PCDH19: variants seen among roughly 807,000 people sequenced by gnomAD.
PCDH19 encodes protocadherin-19.
In PCDH19, 6 loss-of-function variants were observed where a neutral mutation model predicts 46.2. That is an observed-to-expected ratio of 0.13 (90% CI 0.07 to 0.26). The LOEUF (loss-of-function observed/expected upper bound fraction) is 0.26. PCDH19 is among the 10% of genes least tolerant of loss of function. The pLI, the probability that PCDH19 is intolerant of heterozygous loss-of-function variation, is 1.00. For missense variants in PCDH19, 740 were observed against 972.3 expected, an observed-to-expected ratio of 0.76 and a Z score of 3.18; for synonymous variants, 481 against 415.7, an observed-to-expected ratio of 1.16 and a Z score of -1.91.
At chrX:100,333,112 GGGAAGGAA>G (rs778212504) in intron 5 of PCDH19, among the ~76,000 whole-genome samples, 808 of 34,781 alleles carry the variant, frequency 0.023, 42 homozygotes, top group East Asian at 0.14. Context: ...GAAGGAGGGA[GGGAAGGAA>G]GGAAGGAAGG....
intron 3 of PCDH19, among the ~76,000 whole-genome samples, chrX:100,394,866 T>A (rs771384755): frequency 9.3e-6 from 1 of 106,968 alleles, no homozygotes; most frequent in Non-Finnish European, 1.9e-5. Flanking sequence ...GTAAATCTTG[T>A]CAATTTGAGG....
intron 5 of PCDH19, among the ~76,000 whole-genome samples, chrX:100,303,322 A>AAAGGAAGGAAGG (rs764462656): frequency 1.4e-4 from 15 of 110,503 alleles, no homozygotes; most frequent in Non-Finnish European, 2.1e-4. Context: ...AGGAAGGAAA[A>AAAGGAAGGAAGG]AAGGAAGGAA....
At chrX:100,363,856 C>CGTGTGT (rs1555980282) in intron 3 of PCDH19, among the ~76,000 whole-genome samples, 1 of 88,992 alleles carries the variant, frequency 1.1e-5, no homozygotes, top group African/African-American at 4.4e-5. Flanking sequence ...AATGTGCGTG[C>CGTGTGT]GTGTGTGTGT....
In PCDH19 at chrX:100,407,085, A is replaced by G; in HGVS notation, c.1513T>C (p.Tyr505His). ...SQVRDMPVFT[Y>H]VSINPNSGDI... ...CCTGAGTTGGGATTGATGGAGACAT[A>G]GGTGAAGACAGGCATGTCCCGCACC... The change falls in exon 1 of 6, where the codon TAT becomes CAT. Residue 505 changes from tyrosine (Y) to histidine (H), a missense_variant. Physicochemically the swap from Tyr to His is moderately conservative, Grantham distance 83. Around this residue, in one of 5 missense-constraint regions of PCDH19, gnomAD observed 186 missense variants for 319.9 expected, o/e 0.58. Coordinates refer to ENST00000373034, the MANE Select transcript of PCDH19 (RefSeq NM_001184880.2). 1 of 1,211,746 alleles carries G rather than the reference A, an allele frequency of 8.3e-7. No homozygotes were observed. The highest frequency in any genetic ancestry group is 1.1e-6 in the Non-Finnish European group (1 of 895,396).
rs1365066738 is a variant in PCDH19, at chrX:100,333,179, G to GAAAGAA, written c.2848+8723_2848+8724insTTCTTT. On this transcript the variant is annotated intron_variant, in intron 5 of 5. Coordinates refer to ENST00000373034, the MANE Select transcript of PCDH19 (RefSeq NM_001184880.2). The stretch of plus-strand genomic sequence containing the variant: ...GAAGGAAGGAAGGAAGGAAGGGAGA[G>GAAAGAA]AGAGAGAAAGAAAGAAAGAAAGAAA... Among the ~76,000 whole-genome samples, 22 of 46,947 alleles carry GAAAGAA rather than the reference G, an allele frequency of 4.7e-4. No individual in the cohort carries two copies. The East Asian group carries it at 7.4e-3, about 16-fold the overall frequency. 40.8% of individuals were successfully genotyped at this position (46,947 alleles called of 115,157 possible). A position where few individuals can be genotyped will look rare whatever the true frequency, so the allele number is the denominator to read the frequency against.
chrX:100,320,474 A>G (rs1400807915), intron 5 of PCDH19, among the ~76,000 whole-genome samples: 1 of 111,820 alleles, frequency 8.9e-6, no homozygotes, highest in African/African-American at 3.3e-5. Context: ...AAACACCTCA[A>G]TAACTATTGG....
At chrX:100,322,754 C>T (rs1925532538) in intron 5 of PCDH19, among the ~76,000 whole-genome samples, 1 of 98,513 alleles carries the variant, frequency 1.0e-5, no homozygotes, top group South Asian at 4.8e-4. Flanking sequence ...CATTTGTTTG[C>T]GTCTATGATA....
chrX:100,402,178 C>T (rs1928204188), intron 3 of PCDH19, among the ~76,000 whole-genome samples: 1 of 111,940 alleles, frequency 8.9e-6, no homozygotes, highest in Non-Finnish European at 1.9e-5. Flanking sequence ...CTTGATGACT[C>T]TTTCTAAGCC....
intron 3 of PCDH19, among the ~76,000 whole-genome samples, chrX:100,393,497 T>TACACACACACAC (rs57070852): frequency 0.013 from 1,194 of 90,027 alleles, 20 homozygotes; most frequent in East Asian, 0.058. Context: ...CATACATACA[T>TACACACACACAC]ACACACACAC....
intron 3 of PCDH19, among the ~76,000 whole-genome samples, chrX:100,379,942 G>GT (rs1222844954): frequency 1.8e-5 from 2 of 111,929 alleles, no homozygotes; most frequent in Non-Finnish European, 3.8e-5. Context: ...CCATCGAGCA[G>GT]TAACTGGAGG....
At chrX:100,363,859 G>A (rs1440677510) in intron 3 of PCDH19, among the ~76,000 whole-genome samples, 9 of 85,556 alleles carry the variant, frequency 1.1e-4, no homozygotes, top group African/African-American at 4.6e-4. Flanking sequence ...GTGCGTGCGT[G>A]TGTGTGTGTG....
At chrX:100,371,030 T>TGG (rs1417559220) in intron 3 of PCDH19, among the ~76,000 whole-genome samples, 18 of 109,571 alleles carry the variant, frequency 1.6e-4, no homozygotes, top group Admixed American at 1.2e-3. Context: ...TGTGTGGGTG[T>TGG]GTGTGTATGC....
At chrX:100,355,777 G>A (rs1034879956) in intron 3 of PCDH19, among the ~76,000 whole-genome samples, 18 of 111,343 alleles carry the variant, frequency 1.6e-4, no homozygotes, top group African/African-American at 4.9e-4. Flanking sequence ...TAAGACGTTT[G>A]GGTGGGGGAT....
At chrX:100,394,764 G>C (rs1927969565) in intron 3 of PCDH19, among the ~76,000 whole-genome samples, 1 of 111,622 alleles carries the variant, frequency 9.0e-6, no homozygotes, top group African/African-American at 3.3e-5. Context: ...GTTTAATTAA[G>C]TAAAAATCAA....
intron 3 of PCDH19, among the ~76,000 whole-genome samples, chrX:100,363,261 G>A (rs1926950116): frequency 9.6e-6 from 1 of 104,235 alleles, no homozygotes; most frequent in Non-Finnish European, 1.9e-5. Context: ...CCAAGATCAC[G>A]CCACTGCACT....
chrX:100,400,748 T>A (rs566926342), intron 3 of PCDH19, among the ~76,000 whole-genome samples: 1 of 112,537 alleles, frequency 8.9e-6, no homozygotes, highest in Admixed American at 9.4e-5. Flanking sequence ...TTGGCCCCAT[T>A]AATTCTGATG....
chrX:100,361,451 C>A (rs1340828706), intron 3 of PCDH19, among the ~76,000 whole-genome samples: 1 of 111,864 alleles, frequency 8.9e-6, no homozygotes, highest in Admixed American at 9.5e-5. Context: ...TTTCTCAGAT[C>A]TCATGGCACA....
chrX:100,409,877 G>A lies in PCDH19; in HGVS notation c.-1280C>T. ...ATCTTCCCGGAGAGGCGCTGGCCGC[G>A]CTGCGTTGGGCTCCCTTCCTCCCGG... On this transcript the variant is annotated 5_prime_UTR_variant, in exon 1 of 6. Transcript: ENST00000373034. The A allele has an allele frequency of 3.2e-6, 1 of 312,309 alleles. No individual in the cohort carries two copies. The highest frequency in any genetic ancestry group is 5.1e-5 in the East Asian group (1 of 19,454). The allele number at this position is 312,309 out of a possible 1,213,427, so 25.7% of individuals were successfully genotyped here.
chrX:100,359,886 A>T (rs372045707), intron 3 of PCDH19, among the ~76,000 whole-genome samples: 9 of 109,422 alleles, frequency 8.2e-5, no homozygotes, highest in African/African-American at 3.0e-4. Context: ...GCTCTCCTGG[A>T]TCCAGCCTAC....
Sources: allele counts gnomAD v4.1 joint callset (sites outside exome capture counted in the v4.1 genomes callset), GRCh38; gene constraint gnomAD v4.1.1; regional missense constraint gnomAD v4.1.1; transcripts MANE v1.5; gene names NCBI Gene and HGNC (gene_info 2026-07-23, HGNC 2026-07-21).